CENPP: variants seen among roughly 807,000 people sequenced by gnomAD.
The protein encoded by CENPP is centromere protein P.
In CENPP, 24 loss-of-function variants were observed where a neutral mutation model predicts 35.6. The ratio of observed to expected loss-of-function variants is 0.67; its 90% CI spans 0.49 to 0.95. The LOEUF is 0.95. Among genes scored for constraint, CENPP ranks in the 40% least tolerant of loss-of-function variants. The probability of loss-of-function intolerance (pLI) is 0.00; values close to 1 mark genes in which losing one functional copy is unlikely to be tolerated. For synonymous variants in CENPP, 120 were observed against 125.5 expected (o/e 0.96, Z 0.29); for missense variants, 332 against 345.3 (o/e 0.96, Z 0.31).
chr9:92,430,358 A>G (rs1477629710), intron 5 of CENPP, among the ~76,000 whole-genome samples: 2 of 149,982 alleles, frequency 1.3e-5, no homozygotes. Flanking sequence ...CCAATCTGTA[A>G]TTTGCTTTTG....
At position 92,510,224 on chromosome 9, in the gene CENPP, T is replaced by C. The variant is rs531042838; in HGVS notation, c.565-101090T>C. Among the ~76,000 whole-genome samples the C allele has an allele frequency of 3.3e-5, 5 of 152,312 alleles. No homozygotes were observed. The East Asian group carries it at 7.7e-4, about 23-fold the overall frequency. ...TATTGATCCTGGTAATAGCATTGAT[T>C]CTCAGGGATTTTCAGCAGACTACAT... On this transcript the variant is annotated intron_variant, in intron 5 of 7. Transcript: ENST00000375587.
At chr9:92,574,150 G>A (rs548766839) in intron 5 of CENPP, among the ~76,000 whole-genome samples, 13 of 152,130 alleles carry the variant, frequency 8.5e-5, no homozygotes, top group Non-Finnish European at 1.0e-4. Context: ...GAAATCACCC[G>A]TCTTCTGCAT....
At position 92,504,485 on chromosome 9, in the gene CENPP, C is replaced by T. The variant is rs7048128; in HGVS notation, c.565-106829C>T. On this transcript the variant is annotated intron_variant, in intron 5 of 7. Transcript: ENST00000375587. ...AAGGAAACCTGGGTTCCCACGGGGT[C>T]TGCCAGTATGTATAGACTCTCTGGA... Among the ~76,000 whole-genome samples, 1,077 of 152,266 alleles carry T rather than the reference C, an allele frequency of 7.1e-3. 11 individuals carry two copies. Among genetic ancestry groups the T allele is most frequent in the African/African-American group, 0.022 (905 of 41,544 alleles).
intron 5 of CENPP, among the ~76,000 whole-genome samples, chr9:92,408,420 G>A (rs1014578412): frequency 8.5e-5 from 13 of 152,246 alleles, no homozygotes; most frequent in Admixed American, 2.6e-4. Context: ...TCTTGATCTC[G>A]TGATTTGCCC....
chr9:92,345,859 T>C, intron 4 of CENPP, 72 bp downstream of exon 4: 2 of 865,838 alleles, frequency 2.3e-6, no homozygotes, highest in Non-Finnish European at 3.7e-6. Context: ...TAAGTTTACC[T>C]TTTCCTCTTC....
chr9:92,356,048 T>G (rs1841581094), intron 4 of CENPP, among the ~76,000 whole-genome samples: 1 of 152,230 alleles, frequency 6.6e-6, no homozygotes, highest in African/African-American at 2.4e-5. Flanking sequence ...AGTCAACTAT[T>G]TTACTAACTG....
Position 92,611,458 on chromosome 9 carries a change from C to T in CENPP, c.644+65C>T, listed in dbSNP as rs1172069886. The T allele has an allele frequency of 3.1e-6, 4 of 1,290,138 alleles. No individual in the cohort carries two copies. The Admixed American group carries it at 8.1e-5, about 26-fold the overall frequency. The allele number at this position is 1,290,138 out of a possible 1,614,324, so 79.9% of individuals were successfully genotyped here. On this transcript the variant is annotated intron_variant, in intron 6 of 7. Coordinates refer to ENST00000375587, the MANE Select transcript of CENPP (RefSeq NM_001012267.3). Reference sequence around the variant, plus strand: ...CAAACAAGGATTCCAAGTAGGAGACCACCTAAGTAGGATTCTAAGTAGTAA... The same window carrying T: ...CAAACAAGGATTCCAAGTAGGAGACTACCTAAGTAGGATTCTAAGTAGTAA...
At chr9:92,373,345 T>C (rs1012088029) in intron 4 of CENPP, among the ~76,000 whole-genome samples, 2 of 152,152 alleles carry the variant, frequency 1.3e-5, no homozygotes, top group Non-Finnish European at 2.9e-5. Flanking sequence ...TTCTGCCTGA[T>C]CTGGTTTATT....
intron 5 of CENPP, among the ~76,000 whole-genome samples, chr9:92,462,684 T>C (rs2131050123): frequency 6.6e-6 from 1 of 152,288 alleles, no homozygotes; most frequent in Non-Finnish European, 1.5e-5. Flanking sequence ...TTAAAATAAA[T>C]AAACTAGGGA....
chr9:92,342,655 G>C (rs1236737926), intron 3 of CENPP, among the ~76,000 whole-genome samples: 2 of 152,214 alleles, frequency 1.3e-5, no homozygotes, highest in Admixed American at 6.5e-5. Context: ...GGAATCAACA[G>C]GGTTTTTGGA....
chr9:92,389,849 C>T (rs774817469), intron 5 of CENPP: 1 of 1,583,104 alleles, frequency 6.3e-7, no homozygotes, highest in Non-Finnish European at 8.7e-7. Flanking sequence ...CTATAAAATA[C>T]TTACTTTGAA....
chr9:92,590,549 C>T (rs1385337348), intron 5 of CENPP, among the ~76,000 whole-genome samples: 1 of 152,194 alleles, frequency 6.6e-6, no homozygotes, highest in African/African-American at 2.4e-5. Flanking sequence ...CCATTTCCTC[C>T]TGCGGGCCAG....
intron 6 of CENPP, 145 bp from the exon 7 acceptor site, chr9:92,612,378 G>C (rs1258871358): frequency 1.5e-6 from 1 of 663,044 alleles, no homozygotes; most frequent in Non-Finnish European, 2.7e-6. Context: ...CTGTGCTACT[G>C]ACTGTGCCTC....
chr9:92,609,686 T>A (rs142904751), intron 5 of CENPP, among the ~76,000 whole-genome samples: 61 of 152,376 alleles, frequency 4.0e-4, no homozygotes, highest in African/African-American at 1.4e-3. Context: ...CTGTCACCCC[T>A]GACCCTGCAA....
chr9:92,507,809 T>TTTCTCCATAACACGTGTGCACA, intron 5 of CENPP, among the ~76,000 whole-genome samples: 1 of 152,302 alleles, frequency 6.6e-6, no homozygotes, highest in East Asian at 1.9e-4. Context: ...AGTCCTTCCC[T>TTTCTCCATAACACGTGTGCACA]TTCTCCATAA....
At chr9:92,562,773 T>A (rs372403205) in intron 5 of CENPP, among the ~76,000 whole-genome samples, 16 of 152,338 alleles carry the variant, frequency 1.1e-4, no homozygotes, top group Middle Eastern at 3.4e-3. Flanking sequence ...AGGAGATGGC[T>A]GTAAACCAGA....
chr9:92,375,218 C>T (rs774041071), intron 4 of CENPP, among the ~76,000 whole-genome samples: 21 of 151,692 alleles, frequency 1.4e-4, no homozygotes, highest in Middle Eastern at 3.4e-3. Context: ...TCTTAGGCTC[C>T]GTTTATTTTT....
At chr9:92,460,704 T>G (rs1845076346) in intron 5 of CENPP, 12 of 583,774 alleles carry the variant, frequency 2.1e-5, no homozygotes, top group South Asian at 1.9e-4. Flanking sequence ...GAGACAGAGT[T>G]TCACTCTTGT....
chr9:92,417,572 T>C (rs754027317), intron 5 of CENPP: 98 of 1,499,588 alleles, frequency 6.5e-5, no homozygotes, highest in Non-Finnish European at 8.6e-5. Context: ...CTTTTTTTTT[T>C]TCCTATTGCA....
Sources: gnomAD v4.1 joint callset for allele counts (sites outside exome capture counted in the v4.1 genomes callset) on GRCh38, gnomAD v4.1.1 for gene constraint, MANE v1.5 for transcripts, NCBI Gene and HGNC (gene_info 2026-07-23, HGNC 2026-07-21) for gene names.